CDH13: variants seen among roughly 807,000 people sequenced by gnomAD.
CDH13 encodes cadherin-13.
In CDH13, 24 loss-of-function variants were observed where a neutral mutation model predicts 63.8. That is an observed-to-expected ratio of 0.38 (90% CI 0.27 to 0.53). CDH13 has a LOEUF of 0.53. Ranked by LOEUF, CDH13 falls within the 20% of genes least tolerant of loss-of-function variation. The probability of loss-of-function intolerance (pLI) is 0.85; values close to 1 mark genes in which losing one functional copy is unlikely to be tolerated. For synonymous variants in CDH13, 503 were observed against 355.3 expected (o/e 1.42, Z -4.67); for missense variants, 1,049 against 903.1 (o/e 1.16, Z -2.07).
At chr16:83,092,380 T>G (rs1271200180) in intron 3 of CDH13, among the ~76,000 whole-genome samples, 2 of 152,210 alleles carry the variant, frequency 1.3e-5, no homozygotes, top group Non-Finnish European at 2.9e-5. Context: ...GGGCTCCTTG[T>G]AGTGATGGAC....
At chr16:83,220,793 C>G (rs2039677781) in intron 5 of CDH13, among the ~76,000 whole-genome samples, 1 of 151,920 alleles carries the variant, frequency 6.6e-6, no homozygotes, top group African/African-American at 2.4e-5. Context: ...TTAACGTTTT[C>G]CAAATCCAAC....
rs779228407 is a variant in CDH13, at chr16:83,032,119, A to G, written c.267A>G (p.Ala89=). 3.1e-6 allele frequency: 5 copies of G among 1,613,552 alleles called. No homozygotes were observed. Among genetic ancestry groups the G allele is most frequent in the Admixed American group, 3.3e-5 (2 of 59,992 alleles). The part of the protein sequence containing the change: ...GGLVALRNIT[A]VGKTLFVHAR... ...TAGTTGCTCTGAGAAACATAACTGC[A>G]GTGGGCAAAACTCTGTTCGTCCATG... Residue 89 remains alanine (A), a synonymous_variant, in exon 3 of 14, where the codon GCA becomes GCG. Transcript: ENST00000567109.
At position 83,092,176 on chromosome 16, in the gene CDH13, TAGACTC is replaced by T. The variant is rs535091264; in HGVS notation, c.367-33205_367-33200del. On this transcript the variant is annotated intron_variant, in intron 3 of 13. Transcript: ENST00000567109. The stretch of plus-strand genomic sequence containing the variant: ...GTTCCCGTTTTATAGAAGCAAATCT[TAGACTC>T]AGAAAATTTCAAAGAACTTATCCAA... Among the ~76,000 whole-genome samples the T allele has an allele frequency of 2.9e-4, 44 of 152,338 alleles. No individual in the cohort carries two copies. In the South Asian group the frequency reaches 8.1e-3, roughly 28 times the overall value.
At chr16:82,928,223 A>G (rs1457734586) in intron 2 of CDH13, among the ~76,000 whole-genome samples, 3 of 151,656 alleles carry the variant, frequency 2.0e-5, no homozygotes, top group Non-Finnish European at 4.4e-5. Context: ...CTTTTTGATG[A>G]CTGCATATTA....
At chr16:83,000,189 G>GCCTTGTC (rs1166775837) in intron 2 of CDH13, among the ~76,000 whole-genome samples, 1 of 126,878 alleles carries the variant, frequency 7.9e-6, no homozygotes, top group African/African-American at 3.0e-5. Flanking sequence ...CTATGTAAAT[G>GCCTTGTC]CCTTGTCCCT....
At chr16:82,649,754 T>C (rs1597217298) in intron 1 of CDH13, among the ~76,000 whole-genome samples, 1 of 152,288 alleles carries the variant, frequency 6.6e-6, no homozygotes, top group East Asian at 1.9e-4. Context: ...AAGAAATTAC[T>C]GGTTAAGAAC....
chr16:83,502,969 G>T (rs1211522848), intron 7 of CDH13, among the ~76,000 whole-genome samples: 1 of 152,180 alleles, frequency 6.6e-6, no homozygotes, highest in East Asian at 1.9e-4. Context: ...TTCCTCTCAG[G>T]GGGTGGCCTT....
chr16:83,149,003 A>T (rs1044489298), intron 4 of CDH13, among the ~76,000 whole-genome samples: 11 of 152,210 alleles, frequency 7.2e-5, no homozygotes, highest in Admixed American at 6.5e-4. Flanking sequence ...AAATTAATTC[A>T]ATTATAAATA....
At chr16:83,585,980 C>G (rs1049006350) in intron 7 of CDH13, among the ~76,000 whole-genome samples, 1 of 152,150 alleles carries the variant, frequency 6.6e-6, no homozygotes, top group Non-Finnish European at 1.5e-5. Flanking sequence ...ACAAAAGAAT[C>G]CTCAACTGCA....
rs2090705719 is a variant in CDH13, at chr16:83,340,813, A to G, written c.637-4049A>G. Among the ~76,000 whole-genome samples the G allele has an allele frequency of 2.6e-5, 4 of 152,152 alleles. No homozygotes were observed. The South Asian group carries it at 8.3e-4, about 31-fold the overall frequency. ...TGGAATTAGTTATTAAAATCCTGCAACATTGGATAACTGTTTCTAGCTGTC... is the reference window on the plus strand; with the variant it reads ...TGGAATTAGTTATTAAAATCCTGCAGCATTGGATAACTGTTTCTAGCTGTC... On this transcript the variant is annotated intron_variant, in intron 5 of 13. Transcript: ENST00000567109.
chr16:82,953,196 C>A (rs147508219), intron 2 of CDH13: 1 of 152,258 alleles, frequency 6.6e-6, no homozygotes, highest in East Asian at 1.9e-4. Flanking sequence ...GTGGATATTT[C>A]ATTGTGAAAA....
At chr16:82,868,546 T>C (rs2040231955) in intron 2 of CDH13, among the ~76,000 whole-genome samples, 2 of 152,140 alleles carry the variant, frequency 1.3e-5, no homozygotes, top group Admixed American at 6.5e-5. Flanking sequence ...CTTTAAAGAA[T>C]GGGAAACACA....
intron 1 of CDH13, among the ~76,000 whole-genome samples, chr16:82,799,190 G>A (rs1177526641): frequency 1.3e-5 from 2 of 152,202 alleles, no homozygotes; most frequent in Non-Finnish European, 2.9e-5. Context: ...TTGTAAGGGG[G>A]TGACGTTAGA....
At position 82,980,040 on chromosome 16, in the gene CDH13, A is replaced by G. The variant is rs189474197; in HGVS notation, c.158-51970A>G. On this transcript the variant is annotated intron_variant, in intron 2 of 13. Transcript: ENST00000567109. ...GTTTATAAATGCATAGTTGAAGTAC[A>G]GGGAAACCACAAGGGATGGCACCAC... Among the ~76,000 whole-genome samples the G allele has an allele frequency of 2.6e-3, 392 of 152,320 alleles. 2 individuals carry two copies. Among genetic ancestry groups the G allele is most frequent in the Middle Eastern group, 0.017 (5 of 294 alleles).
chr16:82,678,525 G>T (rs1373637484), intron 1 of CDH13, among the ~76,000 whole-genome samples: 1 of 152,154 alleles, frequency 6.6e-6, no homozygotes, highest in Non-Finnish European at 1.5e-5. Context: ...GTACTCAAAA[G>T]TTTTCTTGAA....
intron 3 of CDH13, among the ~76,000 whole-genome samples, chr16:83,043,515 G>T (rs1334151384): frequency 6.7e-6 from 1 of 149,550 alleles, no homozygotes. Context: ...GTGTGTGTGT[G>T]TGTGTGTGTG....
At chr16:83,511,988 A>T (rs2074577259) in intron 7 of CDH13, among the ~76,000 whole-genome samples, 1 of 152,248 alleles carries the variant, frequency 6.6e-6, no homozygotes, top group East Asian at 1.9e-4. Flanking sequence ...AGTCCTCAGT[A>T]AGTGTTAGCT....
intron 7 of CDH13, among the ~76,000 whole-genome samples, chr16:83,543,505 T>C (rs1050447036): frequency 6.6e-6 from 1 of 152,344 alleles, no homozygotes; most frequent in South Asian, 2.1e-4. Context: ...CATCTCTATT[T>C]AGCAAGTGCT....
intron 8 of CDH13, among the ~76,000 whole-genome samples, chr16:83,658,300 C>A (rs560867867): frequency 9.2e-6 from 1 of 109,230 alleles, no homozygotes; most frequent in Admixed American, 8.9e-5. Context: ...CATGTCCTCA[C>A]CACCAGGTCC....
Sources: gnomAD v4.1 joint callset for allele counts (sites outside exome capture counted in the v4.1 genomes callset) on GRCh38, gnomAD v4.1.1 for gene constraint, MANE v1.5 for transcripts, NCBI Gene and HGNC (gene_info 2026-07-23, HGNC 2026-07-21) for gene names.